Variants in CNTNAP2 observed in about 807,000 individuals in gnomAD.
CNTNAP2 encodes the protein contactin-associated protein-like 2.
Under a neutral mutation model 155.2 loss-of-function variants are expected in CNTNAP2, and 98 were observed. The observed-to-expected ratio is 0.63, with a 90% CI of 0.54 to 0.75. CNTNAP2 has a LOEUF of 0.75. Ranked by LOEUF, CNTNAP2 falls within the 30% of genes least tolerant of loss-of-function variation. The pLI is 0.00. For missense variants in CNTNAP2, 1,727 were observed against 1,688.1 expected (o/e 1.02, Z -0.40); for synonymous variants, 651 against 631.2 (o/e 1.03, Z -0.47).
At chr7:147,733,778 G>A (rs1269658136) in intron 13 of CNTNAP2, among the ~76,000 whole-genome samples, 2 of 152,128 alleles carry the variant, frequency 1.3e-5, no homozygotes, top group African/African-American at 2.4e-5. Flanking sequence ...TCTCTTTGAA[G>A]CAATTGTGAA....
chr7:146,755,716 G>A (rs1003941843), intron 1 of CNTNAP2, among the ~76,000 whole-genome samples: 14 of 151,920 alleles, frequency 9.2e-5, no homozygotes, highest in African/African-American at 3.4e-4. Flanking sequence ...GAGTCAGAAA[G>A]TGCATCAAGA....
At chr7:146,119,986 T>C (rs535047434) in intron 1 of CNTNAP2, among the ~76,000 whole-genome samples, 3 of 152,022 alleles carry the variant, frequency 2.0e-5, no homozygotes, top group South Asian at 2.1e-4. Flanking sequence ...TTAAGTATTA[T>C]ATGTAAAAAT....
intron 21 of CNTNAP2, among the ~76,000 whole-genome samples, chr7:148,301,899 C>A (rs1459050903): frequency 6.6e-6 from 1 of 152,200 alleles, no homozygotes; most frequent in African/African-American, 2.4e-5. Context: ...GGACGAGACA[C>A]CTGGCCTATC....
intron 13 of CNTNAP2, among the ~76,000 whole-genome samples, chr7:147,813,743 G>T (rs1355054987): frequency 6.6e-6 from 1 of 152,140 alleles, no homozygotes; most frequent in Non-Finnish European, 1.5e-5. Flanking sequence ...GCACATGCAC[G>T]CACGGAGGAA....
At chr7:146,511,383 G>C (rs1465428585) in intron 1 of CNTNAP2, among the ~76,000 whole-genome samples, 2 of 152,112 alleles carry the variant, frequency 1.3e-5, no homozygotes, top group Non-Finnish European at 2.9e-5. Flanking sequence ...AAAGGAAAGG[G>C]TTTCAATTTT....
intron 15 of CNTNAP2, among the ~76,000 whole-genome samples, chr7:148,090,219 C>A (rs957948121): frequency 6.6e-6 from 1 of 151,910 alleles, no homozygotes; most frequent in Non-Finnish European, 1.5e-5. Context: ...GCTATGACCC[C>A]AAAAGCACAA....
chr7:146,488,335 C>T (rs570896455), intron 1 of CNTNAP2, among the ~76,000 whole-genome samples: 1 of 137,190 alleles, frequency 7.3e-6, no homozygotes, highest in East Asian at 2.4e-4. Context: ...CTTCCTCTTG[C>T]TTTAATGTGT....
At chr7:146,774,038 T>G (rs533172531) in intron 1 of CNTNAP2, among the ~76,000 whole-genome samples, 12 of 152,290 alleles carry the variant, frequency 7.9e-5, no homozygotes, top group African/African-American at 2.9e-4. Context: ...GTGAAGTCCT[T>G]TGGAGTAATG....
chr7:146,947,221 A>AAG (rs550933554), intron 3 of CNTNAP2, among the ~76,000 whole-genome samples: 16 of 151,540 alleles, frequency 1.1e-4, no homozygotes, highest in Middle Eastern at 3.4e-3. Context: ...AGAAAAAAAA[A>AAG]AGTTTGGTCA....
chr7:146,279,821 G>T (rs1236483283), intron 1 of CNTNAP2, among the ~76,000 whole-genome samples: 1 of 151,302 alleles, frequency 6.6e-6, no homozygotes, highest in African/African-American at 2.4e-5. Context: ...TTTAAAACAT[G>T]CTTAAGGAAT....
intron 10 of CNTNAP2, among the ~76,000 whole-genome samples, chr7:147,471,272 C>A (rs1001659094): frequency 2.6e-5 from 4 of 152,088 alleles, no homozygotes; most frequent in Non-Finnish European, 5.9e-5. Flanking sequence ...AAATTTAGAC[C>A]TTTCAGTTTA....
At chr7:146,211,913 T>C (rs1289935769) in intron 1 of CNTNAP2, among the ~76,000 whole-genome samples, 1 of 152,106 alleles carries the variant, frequency 6.6e-6, no homozygotes, top group Non-Finnish European at 1.5e-5. Context: ...AAATTTCTTA[T>C]CACAGAATGA....
chr7:148,361,885 C>T (rs542009380), intron 21 of CNTNAP2, among the ~76,000 whole-genome samples: 87 of 152,244 alleles, frequency 5.7e-4, no homozygotes, highest in African/African-American at 2.0e-3. Flanking sequence ...AGGGGAAATG[C>T]CAGACGCTTA....
chr7:147,308,276 G>T (rs927605646), intron 9 of CNTNAP2, among the ~76,000 whole-genome samples: 1 of 152,152 alleles, frequency 6.6e-6, no homozygotes, highest in African/African-American at 2.4e-5. Flanking sequence ...GGATTGTGAA[G>T]GGTCTTTAAC....
intron 13 of CNTNAP2, among the ~76,000 whole-genome samples, chr7:147,709,404 A>G (rs1796369766): frequency 6.6e-6 from 1 of 152,164 alleles, no homozygotes; most frequent in Admixed American, 6.5e-5. Context: ...TTCCCAGACA[A>G]CCCAACTTGC....
chr7:146,886,866 C>T (rs901280693), intron 3 of CNTNAP2, among the ~76,000 whole-genome samples: 1 of 151,310 alleles, frequency 6.6e-6, no homozygotes, highest in Admixed American at 6.6e-5. Flanking sequence ...GTGTTATAAA[C>T]TCATCATTTT....
intron 9 of CNTNAP2, among the ~76,000 whole-genome samples, chr7:147,325,927 T>C (rs1342152884): frequency 6.6e-6 from 1 of 152,122 alleles, no homozygotes; most frequent in Non-Finnish European, 1.5e-5. Flanking sequence ...AGCATTCTAT[T>C]TTCCTTTTTT....
At position 147,238,038 on chromosome 7, in the gene CNTNAP2, G is replaced by A. The variant is rs76628864; in HGVS notation, c.1349-62103G>A. Among the ~76,000 whole-genome samples the A allele has an allele frequency of 7.8e-3, 1,181 of 152,144 alleles. 16 individuals are homozygous for A. Among genetic ancestry groups the A allele is most frequent in the African/African-American group, 0.027 (1,119 of 41,530 alleles). ...GTTTTGTGTTTTATTTTTTTGAGAC[G>A]GAGTCTCGCTCTGTCGCCCAGGCTG... On this transcript the variant is annotated intron_variant, in intron 8 of 23. Transcript: ENST00000361727.
intron 15 of CNTNAP2, among the ~76,000 whole-genome samples, chr7:148,066,240 A>G (rs756238663): frequency 3.2e-4 from 49 of 152,178 alleles, no homozygotes; most frequent in Non-Finnish European, 5.7e-4. Flanking sequence ...TTGACTTTAG[A>G]TAACCTAATG....
Sources: gnomAD v4.1 joint callset for allele counts (sites outside exome capture counted in the v4.1 genomes callset) on GRCh38, gnomAD v4.1.1 for gene constraint, MANE v1.5 for transcripts, NCBI Gene and HGNC (gene_info 2026-07-23, HGNC 2026-07-21) for gene names.